CHLSN: variants seen among roughly 807,000 people sequenced by gnomAD.
The protein encoded by CHLSN is protein cholesin.
the CHLSN span, among the ~76,000 whole-genome samples, chr7:1,113,365 C>T: frequency 1.3e-5 from 2 of 152,338 alleles, no homozygotes; most frequent in Non-Finnish European, 2.9e-5. Flanking sequence ...GCCAGGAGTG[C>T]CCGCTCCCAG....
chr7:1,097,602 A>G, the CHLSN span, among the ~76,000 whole-genome samples: 1,560 of 152,348 alleles, frequency 0.01, 28 homozygotes, highest in African/African-American at 0.036. This position sits in a 1 kb window ranked among gnomAD's most constrained non-coding sequence, Gnocchi z 4.3. Flanking sequence ...AGACGGGGGC[A>G]GGTAAGAGTC....
the CHLSN span, chr7:1,057,908 T>C: frequency 3.1e-5 from 24 of 775,884 alleles, no homozygotes; most frequent in East Asian, 4.6e-4. Context: ...ACATCGAGCG[T>C]GCACTGCCGC....
At chr7:1,002,442 T>C in the CHLSN span, among the ~76,000 whole-genome samples, 5 of 99,540 alleles carry the variant, frequency 5.0e-5, no homozygotes, top group South Asian at 4.5e-4. Context: ...GGGAGTCCTG[T>C]GGGTGAGTGG....
At chr7:1,122,862 C>T in the CHLSN span, among the ~76,000 whole-genome samples, 2 of 152,254 alleles carry the variant, frequency 1.3e-5, no homozygotes, top group African/African-American at 4.8e-5. Flanking sequence ...AGCGGCAGAA[C>T]CTCCTGCCCG....
chr7:1,047,671 G>A, the CHLSN span, among the ~76,000 whole-genome samples: 3 of 152,198 alleles, frequency 2.0e-5, no homozygotes, highest in African/African-American at 7.2e-5. Context: ...TGGCAGGTTC[G>A]GCCAGGAGCT....
the CHLSN span, among the ~76,000 whole-genome samples, chr7:1,035,217 G>A: frequency 2.6e-5 from 4 of 152,058 alleles, no homozygotes; most frequent in Admixed American, 6.5e-5. Flanking sequence ...CTGGTGTCAC[G>A]TCTTTGTGAC....
the CHLSN span, among the ~76,000 whole-genome samples, chr7:1,041,330 G>GGGCTCTGCGCTGCGGGGAACGGGA: frequency 4.5e-5 from 3 of 65,960 alleles, no homozygotes; most frequent in African/African-American, 1.5e-4. Flanking sequence ...GGGGAAGGGG[G>GGGCTCTGCGCTGCGGGGAACGGGA]CCTGGGGTCC....
the CHLSN span, among the ~76,000 whole-genome samples, chr7:1,114,133 A>G: frequency 6.6e-6 from 1 of 152,312 alleles, no homozygotes; most frequent in East Asian, 1.9e-4. Context: ...CATTTCCCAC[A>G]ATAAACCCAG....
At chr7:1,111,631 C>T in the CHLSN span, among the ~76,000 whole-genome samples, 28 of 152,242 alleles carry the variant, frequency 1.8e-4, no homozygotes, top group Middle Eastern at 3.4e-3. Context: ...GAGACTCTGT[C>T]CCTACAAAAA....
the CHLSN span, among the ~76,000 whole-genome samples, chr7:1,113,775 C>T: frequency 1.4e-3 from 208 of 152,292 alleles, no homozygotes; most frequent in Non-Finnish European, 2.6e-3. Context: ...TTCCTACCCG[C>T]GGGTGCCAGC....
chr7:1,070,729 T>C, the CHLSN span, among the ~76,000 whole-genome samples: 5 of 137,682 alleles, frequency 3.6e-5, no homozygotes, highest in South Asian at 1.2e-3. Context: ...CGCGCACACA[T>C]GCACGCACAT....
the CHLSN span, among the ~76,000 whole-genome samples, chr7:1,037,245 A>G: frequency 2.8e-5 from 4 of 140,950 alleles, no homozygotes; most frequent in Middle Eastern, 3.4e-3. Flanking sequence ...AGTTTGGAAC[A>G]GTACAATAAG....
the CHLSN span, among the ~76,000 whole-genome samples, chr7:982,526 T>C: frequency 4.6e-5 from 7 of 152,200 alleles, no homozygotes; most frequent in Admixed American, 4.6e-4. Context: ...AGCCCTTCCA[T>C]GTTCCTGTCC....
At chr7:1,126,378 AAAAAAG>A in the CHLSN span, among the ~76,000 whole-genome samples, 1 of 145,514 alleles carries the variant, frequency 6.9e-6, no homozygotes, top group African/African-American at 2.6e-5. Context: ...AAAAAAAAAA[AAAAAAG>A]AATAAAAATG....
chr7:1,014,269 C>A, the CHLSN span, among the ~76,000 whole-genome samples: 37 of 152,256 alleles, frequency 2.4e-4, no homozygotes, highest in Non-Finnish European at 2.9e-4. Flanking sequence ...TACAGAGAAG[C>A]TGACACTGTT....
the CHLSN span, among the ~76,000 whole-genome samples, chr7:1,047,470 G>A: frequency 2.0e-5 from 3 of 152,238 alleles, no homozygotes; most frequent in African/African-American, 7.2e-5. Context: ...ATCAGTGTGC[G>A]TAAGCTCTCC....
the CHLSN span, among the ~76,000 whole-genome samples, chr7:1,124,797 C>T: frequency 3.4e-4 from 51 of 151,470 alleles, no homozygotes; most frequent in African/African-American, 1.1e-3. Flanking sequence ...AATTCAACAG[C>T]CTGCGGAGGA....
the CHLSN span, among the ~76,000 whole-genome samples, chr7:1,113,360 G>A: frequency 2.0e-5 from 3 of 152,196 alleles, no homozygotes; most frequent in Non-Finnish European, 4.4e-5. Context: ...TGAAAGCCAG[G>A]AGTGCCCGCT....
chr7:986,668 C>T, the CHLSN span: 14 of 1,612,584 alleles, frequency 8.7e-6, no homozygotes, highest in African/African-American at 1.2e-4. Context: ...TCCAGCTGCA[C>T]CGGCCCGTCC....
Sources: gnomAD v4.1 joint callset for allele counts (sites outside exome capture counted in the v4.1 genomes callset) on GRCh38, gnomAD v4.1.1 for gene constraint, Gnocchi (gnomAD v3.1) non-coding constraint, MANE v1.5 for transcripts, NCBI Gene and HGNC (gene_info 2026-07-23, HGNC 2026-07-21) for gene names.